The following ZNF521 variants were observed in gnomAD, a reference collection of about 807,000 sequenced individuals.
The protein encoded by ZNF521 is LYST-interacting protein 3.
ZNF521 carries 14 observed loss-of-function variants against 105.5 expected under a neutral mutation model. The observed-to-expected ratio is 0.13, with a 90% CI of 0.09 to 0.21. ZNF521 has a LOEUF of 0.21. Among genes scored for constraint, ZNF521 ranks in the 10% least tolerant of loss-of-function variants. The pLI is 1.00. For missense variants in ZNF521, 1,233 were observed against 1,629.7 expected, an observed-to-expected ratio of 0.76 and a Z score of 4.19; for synonymous variants, 635 against 606.0, an observed-to-expected ratio of 1.05 and a Z score of -0.70.
At chr18:25,308,648 A>ACCCCCCCCCCC (rs764455271) in intron 3 of ZNF521, among the ~76,000 whole-genome samples, 9 of 116,296 alleles carry the variant, frequency 7.7e-5, no homozygotes, top group South Asian at 2.9e-4. Flanking sequence ...CCTTAATGAC[A>ACCCCCCCCCCC]TCCCCCCCCC....
intron 5 of ZNF521, among the ~76,000 whole-genome samples, chr18:25,162,359 AAAGC>A (rs2035266283): frequency 6.6e-6 from 1 of 152,224 alleles, no homozygotes; most frequent in South Asian, 2.1e-4. Context: ...GAAGGACATA[AAAGC>A]AAGATGATAT....
intron 3 of ZNF521, among the ~76,000 whole-genome samples, chr18:25,285,747 C>T (rs1007488001): frequency 6.6e-6 from 1 of 152,120 alleles, no homozygotes; most frequent in Non-Finnish European, 1.5e-5. Context: ...CGCCTGCGCG[C>T]GCACATGCAC....
intron 3 of ZNF521, among the ~76,000 whole-genome samples, chr18:25,311,106 C>A (rs1192771717): frequency 6.6e-6 from 1 of 152,050 alleles, no homozygotes; most frequent in East Asian, 1.9e-4. Flanking sequence ...AGTCCAATTC[C>A]TTGAAGTTTA....
At chr18:25,119,118 A>C (rs1183635538) in intron 5 of ZNF521, among the ~76,000 whole-genome samples, 1 of 152,158 alleles carries the variant, frequency 6.6e-6, no homozygotes, top group Non-Finnish European at 1.5e-5. Flanking sequence ...TAAGGCAAAA[A>C]CGGACAGAAT....
At chr18:25,104,854 C>T (rs1029095229) in intron 5 of ZNF521, among the ~76,000 whole-genome samples, 5 of 152,034 alleles carry the variant, frequency 3.3e-5, no homozygotes, top group African/African-American at 1.2e-4. Flanking sequence ...AAAGTGAATA[C>T]ATAATTTCAG....
At chr18:25,349,713 G>A (rs535653366) in intron 2 of ZNF521, among the ~76,000 whole-genome samples, 196 of 151,642 alleles carry the variant, frequency 1.3e-3, no homozygotes, top group African/African-American at 4.5e-3. Flanking sequence ...CCGGCAGCCA[G>A]GAGGAAGAGG....
At chr18:25,292,592 G>GT (rs1473895752) in intron 3 of ZNF521, among the ~76,000 whole-genome samples, 1 of 152,126 alleles carries the variant, frequency 6.6e-6, no homozygotes, top group Non-Finnish European at 1.5e-5. Context: ...ATAATGGCGT[G>GT]TATCATTAAG....
intron 5 of ZNF521, among the ~76,000 whole-genome samples, chr18:25,096,195 T>C (rs925710851): frequency 6.6e-6 from 1 of 152,176 alleles, no homozygotes; most frequent in African/African-American, 2.4e-5. Context: ...TTTACTCCAA[T>C]ATTAAATGTT....
chr18:25,116,389 C>A (rs1189472419), intron 5 of ZNF521, among the ~76,000 whole-genome samples: 5 of 152,126 alleles, frequency 3.3e-5, no homozygotes, highest in African/African-American at 1.2e-4. Flanking sequence ...GAGGGCCATT[C>A]TGGGAATCAG....
intron 5 of ZNF521, among the ~76,000 whole-genome samples, chr18:25,119,056 A>G (rs1453541143): frequency 6.6e-6 from 1 of 152,154 alleles, no homozygotes; most frequent in Non-Finnish European, 1.5e-5. Context: ...ACTGCTCTGG[A>G]AAATATAACA....
At chr18:25,333,620 T>C (rs1027931512) in intron 2 of ZNF521, among the ~76,000 whole-genome samples, 1 of 152,064 alleles carries the variant, frequency 6.6e-6, no homozygotes, top group Non-Finnish European at 1.5e-5. Context: ...CCCAATTGCC[T>C]CCACAGAAGG....
At chr18:25,298,913 C>A (rs992078983) in intron 3 of ZNF521, among the ~76,000 whole-genome samples, 1 of 152,162 alleles carries the variant, frequency 6.6e-6, no homozygotes, top group Non-Finnish European at 1.5e-5. Flanking sequence ...TAAAGAGTGA[C>A]CATGCCCCAA....
chr18:25,077,131 C>A (rs535362807), intron 7 of ZNF521, among the ~76,000 whole-genome samples: 3 of 152,200 alleles, frequency 2.0e-5, no homozygotes, highest in Non-Finnish European at 4.4e-5. Context: ...ATCCTTTCAT[C>A]TCTTATCTCT....
At chr18:25,313,905 G>A (rs572303580) in intron 3 of ZNF521, among the ~76,000 whole-genome samples, 8 of 151,844 alleles carry the variant, frequency 5.3e-5, no homozygotes, top group African/African-American at 1.7e-4. Context: ...GAATGAAGTA[G>A]GCTAAAAAAA....
intron 4 of ZNF521, among the ~76,000 whole-genome samples, chr18:25,218,080 G>C (rs771335832): frequency 6.6e-6 from 1 of 152,134 alleles, no homozygotes; most frequent in Non-Finnish European, 1.5e-5. Flanking sequence ...GGGAAAAGAA[G>C]GGAAAGCCGA....
chr18:25,081,011 C>T (rs2033481587), intron 7 of ZNF521, among the ~76,000 whole-genome samples: 1 of 152,208 alleles, frequency 6.6e-6, no homozygotes, highest in Non-Finnish European at 1.5e-5. Flanking sequence ...GTCTTTCCTT[C>T]CTAATGGAGG....
At chr18:25,151,109 G>T (rs1426121034) in intron 5 of ZNF521, among the ~76,000 whole-genome samples, 2 of 151,808 alleles carry the variant, frequency 1.3e-5, no homozygotes, top group South Asian at 2.1e-4. Flanking sequence ...GTCTTATGTT[G>T]CTCCCCTGAC....
chr18:25,130,593 C>A (rs1482419749), intron 5 of ZNF521, among the ~76,000 whole-genome samples: 2 of 152,098 alleles, frequency 1.3e-5, no homozygotes, highest in African/African-American at 4.8e-5. Flanking sequence ...GGAAATGGTA[C>A]TTTCTGTTAA....
At chr18:25,200,394 GT>G (rs2035972308) in intron 4 of ZNF521, among the ~76,000 whole-genome samples, 1 of 145,378 alleles carries the variant, frequency 6.9e-6, no homozygotes, top group South Asian at 2.2e-4. Context: ...GTGTTCTGCA[GT>G]TTTCTTTTTT....
Sources: gnomAD v4.1 joint callset for allele counts (sites outside exome capture counted in the v4.1 genomes callset) on GRCh38, gnomAD v4.1.1 for gene constraint, MANE v1.5 for transcripts, NCBI Gene and HGNC (gene_info 2026-07-23, HGNC 2026-07-21) for gene names.